GPC5: variants seen among roughly 807,000 people sequenced by gnomAD.
The protein encoded by GPC5 is glypican 5, also known as glypican-5.
GPC5 carries 47 observed loss-of-function variants against 53.9 expected under a neutral mutation model. The observed-to-expected ratio is 0.87, with a 90% CI of 0.69 to 1.11. GPC5 has a LOEUF of 1.11. Among genes scored for constraint, GPC5 ranks in the 50% most tolerant of loss-of-function variants. The probability of loss-of-function intolerance (pLI) is 0.00; values close to 1 mark genes in which losing one functional copy is unlikely to be tolerated. For missense variants in GPC5, 748 were observed against 713.1 expected, an observed-to-expected ratio of 1.05 and a Z score of -0.56; for synonymous variants, 286 against 263.3, an observed-to-expected ratio of 1.09 and a Z score of -0.84.
intron 6 of GPC5, among the ~76,000 whole-genome samples, chr13:91,975,965 T>C (rs1200901823): frequency 1.3e-5 from 2 of 152,182 alleles, no homozygotes; most frequent in African/African-American, 4.8e-5. Flanking sequence ...GTTCATGTCC[T>C]TTGTAGGGAC....
intron 2 of GPC5, among the ~76,000 whole-genome samples, chr13:91,650,154 G>A (rs2034662570): frequency 6.6e-6 from 1 of 151,988 alleles, no homozygotes; most frequent in South Asian, 2.1e-4. Flanking sequence ...AAGTATGTAT[G>A]TTATATAAAC....
At chr13:91,439,071 C>T (rs987220703) in intron 1 of GPC5, among the ~76,000 whole-genome samples, 4 of 152,214 alleles carry the variant, frequency 2.6e-5, no homozygotes, top group East Asian at 1.9e-4. Flanking sequence ...TGTTCCTATT[C>T]GGGCATCTTG....
In GPC5 at chr13:92,751,324, A is replaced by AC. The variant is rs1555309377; in HGVS notation, c.1562-114958_1562-114957insC. Among the ~76,000 whole-genome samples, 34 of 147,930 alleles carry AC rather than the reference A, an allele frequency of 2.3e-4. 1 individual carries two copies. Among genetic ancestry groups the AC allele is most frequent in the South Asian group, 1.1e-3 (5 of 4,664 alleles). On this transcript the variant is annotated intron_variant, in intron 7 of 7. Coordinates refer to ENST00000377067, the MANE Select transcript of GPC5 (RefSeq NM_004466.6). ...CATTTAAAAAAAAAAAAAAAAAAAA[A>AC]AAAAAAAAAAACCTTCCAACCTCAT...
At chr13:92,307,249 G>A (rs188021583) in intron 7 of GPC5, among the ~76,000 whole-genome samples, 1 of 152,298 alleles carries the variant, frequency 6.6e-6, no homozygotes, top group East Asian at 1.9e-4. Context: ...AGAAATTTGT[G>A]GAGTTTGAGA....
At chr13:92,129,460 A>C (rs1326271907) in intron 6 of GPC5, among the ~76,000 whole-genome samples, 1 of 152,250 alleles carries the variant, frequency 6.6e-6, no homozygotes, top group Admixed American at 6.5e-5. Context: ...CATGATACGA[A>C]AAATGTCTAG....
chr13:91,899,389 T>C (rs2039474839), intron 5 of GPC5, among the ~76,000 whole-genome samples: 1 of 152,144 alleles, frequency 6.6e-6, no homozygotes, highest in African/African-American at 2.4e-5. Flanking sequence ...CAAGCTACAA[T>C]TTAAGAGGTG....
At chr13:92,097,306 G>GA (rs749264952) in intron 6 of GPC5, among the ~76,000 whole-genome samples, 18 of 152,062 alleles carry the variant, frequency 1.2e-4, no homozygotes, top group Non-Finnish European at 2.1e-4. Context: ...TAAAATGCAG[G>GA]AAAAAAGAGG....
intron 2 of GPC5, among the ~76,000 whole-genome samples, chr13:91,584,900 A>C (rs760329945): frequency 1.3e-5 from 2 of 152,192 alleles, no homozygotes; most frequent in South Asian, 2.1e-4. Flanking sequence ...ACTTTTGTTG[A>C]TAAAGATTCC....
intron 2 of GPC5, among the ~76,000 whole-genome samples, chr13:91,547,172 T>C (rs2030343662): frequency 6.6e-6 from 1 of 152,082 alleles, no homozygotes; most frequent in African/African-American, 2.4e-5. Flanking sequence ...AAAAATTAGA[T>C]ACATCTTGTG....
At chr13:91,938,926 T>A (rs1170466202) in intron 6 of GPC5, among the ~76,000 whole-genome samples, 3 of 152,116 alleles carry the variant, frequency 2.0e-5, no homozygotes, top group Non-Finnish European at 4.4e-5. Context: ...ATCTTTATAC[T>A]GAGTTTTCAA....
intron 7 of GPC5, among the ~76,000 whole-genome samples, chr13:92,422,341 G>C (rs1040777454): frequency 1.3e-5 from 2 of 152,112 alleles, no homozygotes; most frequent in Non-Finnish European, 2.9e-5. Context: ...TTTCCGAATA[G>C]TCTTCCAAGA....
chr13:91,482,776 C>T (rs76082616), intron 2 of GPC5, among the ~76,000 whole-genome samples: 1,855 of 151,938 alleles, frequency 0.012, 31 homozygotes, highest in African/African-American at 0.041. Flanking sequence ...TAGATGTGTG[C>T]GGTGGTCTGA....
chr13:92,554,110 G>A (rs1882413594), intron 7 of GPC5, among the ~76,000 whole-genome samples: 1 of 151,818 alleles, frequency 6.6e-6, no homozygotes. Flanking sequence ...TTCAATAAGG[G>A]GCAGAGTAAG....
At chr13:91,840,424 T>C (rs1417019434) in intron 5 of GPC5, among the ~76,000 whole-genome samples, 6 of 152,140 alleles carry the variant, frequency 3.9e-5, no homozygotes, top group Non-Finnish European at 7.4e-5. Context: ...CAGCTGTCAA[T>C]GTCCATCTCT....
At chr13:91,632,576 G>A (rs1201541582) in intron 2 of GPC5, among the ~76,000 whole-genome samples, 2 of 152,108 alleles carry the variant, frequency 1.3e-5, no homozygotes, top group Non-Finnish European at 2.9e-5. Context: ...ACAGCAAGCA[G>A]CACTGCCCTA....
intron 7 of GPC5, among the ~76,000 whole-genome samples, chr13:92,445,214 T>A (rs751053572): frequency 1.3e-5 from 2 of 150,950 alleles, no homozygotes; most frequent in African/African-American, 4.9e-5. Flanking sequence ...CTCCCCTCTC[T>A]CTCCTCTCAA....
At chr13:92,094,176 A>G (rs1354593217) in intron 6 of GPC5, among the ~76,000 whole-genome samples, 1 of 152,180 alleles carries the variant, frequency 6.6e-6, no homozygotes, top group Non-Finnish European at 1.5e-5. Context: ...TTTTTAGGAC[A>G]TTATATATTT....
At chr13:91,930,344 A>G (rs1196379475) in intron 6 of GPC5, among the ~76,000 whole-genome samples, 2 of 151,994 alleles carry the variant, frequency 1.3e-5, no homozygotes. Context: ...CACATATCCA[A>G]CCTCAAATAT....
At chr13:91,498,451 C>T (rs114986067) in intron 2 of GPC5, among the ~76,000 whole-genome samples, 2 of 151,810 alleles carry the variant, frequency 1.3e-5, no homozygotes, top group African/African-American at 2.4e-5. Context: ...ACAATGGGTC[C>T]GCATGTGATG....
Sources: gnomAD v4.1 joint callset for allele counts (sites outside exome capture counted in the v4.1 genomes callset) on GRCh38, gnomAD v4.1.1 for gene constraint, MANE v1.5 for transcripts, NCBI Gene and HGNC (gene_info 2026-07-23, HGNC 2026-07-21) for gene names.